The following KCNA6 variants were observed in gnomAD, a reference collection of about 807,000 sequenced individuals.
KCNA6 encodes the protein potassium voltage-gated channel subfamily A member 6.
KCNA6 carries 17 observed loss-of-function variants against 29.5 expected under a neutral mutation model. The observed-to-expected ratio is 0.58, with a 90% CI of 0.39 to 0.86. The LOEUF is 0.86. Among genes scored for constraint, KCNA6 ranks in the 40% least tolerant of loss-of-function variants. The pLI is 0.00. For missense variants in KCNA6, 450 were observed against 703.4 expected (o/e 0.64, Z 4.07); for synonymous variants, 296 against 304.7 (o/e 0.97, Z 0.30).
the KCNA6 span, among the ~76,000 whole-genome samples, chr12:4,844,066 G>A: frequency 3.3e-3 from 504 of 151,230 alleles, 3 homozygotes; most frequent in African/African-American, 0.012. The surrounding 1 kb of genome is among the most constrained non-coding windows in gnomAD (Gnocchi z 4.0). Context: ...CGTTTTCTGG[G>A]ATTGACCTTT....
At chr12:4,848,250 T>TTGCC in the KCNA6 span, among the ~76,000 whole-genome samples, 1 of 151,292 alleles carries the variant, frequency 6.6e-6, no homozygotes, top group African/African-American at 2.4e-5. Context: ...CCTGCTTCTG[T>TTGCC]CAACTGACAC....
At chr12:4,826,984 T>C in the KCNA6 span, among the ~76,000 whole-genome samples, 1 of 152,132 alleles carries the variant, frequency 6.6e-6, no homozygotes, top group Admixed American at 6.5e-5. Context: ...TTCCTTCTTC[T>C]TCCTTTCTGC....
chr12:4,821,418 A>ATGTGTATG, the KCNA6 span, among the ~76,000 whole-genome samples: 9 of 143,420 alleles, frequency 6.3e-5, no homozygotes, highest in Admixed American at 5.5e-4. Context: ...ACTCACTTGG[A>ATGTGTATG]TGTGTGTGTG....
the KCNA6 span, among the ~76,000 whole-genome samples, chr12:4,846,853 A>AGTGATAG: frequency 7.1e-6 from 1 of 141,502 alleles, no homozygotes; most frequent in Non-Finnish European, 1.5e-5. Context: ...ATCTCAGCTC[A>AGTGATAG]CTGCAAGCTC....
At chr12:4,827,814 A>T in the KCNA6 span, among the ~76,000 whole-genome samples, 2 of 152,190 alleles carry the variant, frequency 1.3e-5, no homozygotes, top group Non-Finnish European at 2.9e-5. Flanking sequence ...TGTGTTCATC[A>T]TTCTCATCCC....
At chr12:4,809,476 G>C (rs1346612480) in exon 1 of KCNA6, 1 of 151,984 alleles carries the variant, frequency 6.6e-6, no homozygotes, top group East Asian at 2.0e-4. Flanking sequence ...AGGAGGTGGC[G>C]GCTGTGGCGG....
In KCNA6 at chr12:4,811,853, C is replaced by T. The variant is rs191572472; in HGVS notation, c.*222C>T. On this transcript the variant is annotated 3_prime_UTR_variant, in exon 1 of 1. Coordinates refer to ENST00000280684, the Ensembl canonical transcript of KCNA6. This position sits in a 1 kb window ranked among gnomAD's most constrained non-coding sequence, Gnocchi z 7.1. The stretch of plus-strand genomic sequence containing the variant: ...CTAAGTGACATTTTTGAAATTCCAG[C>T]GGTGCCACCCAATCATGCCCAGCTT... 76 of 556,328 alleles carry T rather than the reference C, an allele frequency of 1.4e-4. No homozygotes were observed. Among genetic ancestry groups the T allele is most frequent in the African/African-American group, 2.6e-4 (14 of 53,138 alleles). The allele number at this position is 556,328 out of a possible 1,614,324, so 34.5% of individuals were successfully genotyped here.
At chr12:4,833,091 T>C in the KCNA6 span, among the ~76,000 whole-genome samples, 7 of 152,150 alleles carry the variant, frequency 4.6e-5, no homozygotes, top group Non-Finnish European at 1.5e-5. Flanking sequence ...ATTTTTTATC[T>C]CATATGAAAT....
chr12:4,819,025 C>T, the KCNA6 span, among the ~76,000 whole-genome samples: 1 of 152,100 alleles, frequency 6.6e-6, no homozygotes, highest in African/African-American at 2.4e-5. Context: ...TATACATATG[C>T]ACATGTATAC....
chr12:4,809,879 T>C, exon 1 of KCNA6: 1 of 770,566 alleles, frequency 1.3e-6, no homozygotes, highest in Non-Finnish European at 2.0e-6. Context: ...GGACCAGGGC[T>C]TTAGGGCTCA....
chr12:4,818,578 GT>G, the KCNA6 span, among the ~76,000 whole-genome samples: 34 of 152,210 alleles, frequency 2.2e-4, no homozygotes, highest in South Asian at 6.6e-3. Flanking sequence ...GCTAGGCTTT[GT>G]TTTTTTCTTT....
the KCNA6 span, among the ~76,000 whole-genome samples, chr12:4,829,351 G>A: frequency 6.6e-6 from 1 of 152,142 alleles, no homozygotes; most frequent in East Asian, 1.9e-4. Context: ...CTGTCCAGAA[G>A]CATTGCTGGA....
In KCNA6 at chr12:4,811,469, G is replaced by C. The variant is rs1157360604; in HGVS notation, c.1428G>C (p.Gln476His). 1 of 1,614,120 alleles carries C rather than the reference G, an allele frequency of 6.2e-7. No individual in the cohort carries two copies. The highest frequency in any genetic ancestry group is 8.5e-7 in the Non-Finnish European group (1 of 1,180,048). ...AGACGGAGCAGGAGGAGCAAGGCCA[G>C]TATACCCACGTCACTTGTGGGCAGC... Residue 476 changes from glutamine (Q) to histidine (H), a missense_variant, in exon 1 of 1, where the codon CAG becomes CAC. By Grantham distance (24) the Gln-to-His change is conservative (BLOSUM62 0). Transcript: ENST00000280684. This position sits in a 1 kb window ranked among gnomAD's most constrained non-coding sequence, Gnocchi z 7.1.
chr12:4,837,845 G>A, the KCNA6 span, among the ~76,000 whole-genome samples: 6 of 151,192 alleles, frequency 4.0e-5, no homozygotes, highest in African/African-American at 9.7e-5. Flanking sequence ...GGTAACCCAA[G>A]CAGAAGAGGC....
chr12:4,827,201 CT>C, the KCNA6 span, among the ~76,000 whole-genome samples: 18 of 40,178 alleles, frequency 4.5e-4, no homozygotes, highest in African/African-American at 6.0e-4. Flanking sequence ...TCCTTCCTTC[CT>C]TCCCTCCTTC....
the KCNA6 span, among the ~76,000 whole-genome samples, chr12:4,845,269 G>T: frequency 0.086 from 13,121 of 152,254 alleles, 688 homozygotes; most frequent in Non-Finnish European, 0.11. Context: ...GCCTAAAAAT[G>T]CCTTTATGCA....
downstream of KCNA6, among the ~76,000 whole-genome samples, chr12:4,817,002 A>G (rs1265706874): frequency 6.6e-6 from 1 of 152,106 alleles, no homozygotes; most frequent in African/African-American, 2.4e-5. Flanking sequence ...CAGCATTTCT[A>G]TCTGCCTGCA....
the KCNA6 span, among the ~76,000 whole-genome samples, chr12:4,835,505 A>G: frequency 6.6e-6 from 1 of 150,796 alleles, no homozygotes; most frequent in Admixed American, 6.6e-5. Flanking sequence ...CCCACTTCCT[A>G]CTTAGCCCTT....
At chr12:4,850,765 A>C in the KCNA6 span, 5 of 451,178 alleles carry the variant, frequency 1.1e-5, no homozygotes, top group Non-Finnish European at 1.3e-5. The surrounding 1 kb of genome is among the most constrained non-coding windows in gnomAD (Gnocchi z 5.4). Context: ...GGTGCAAGCA[A>C]GGACATCTAT....
Sources: allele counts gnomAD v4.1 joint callset (sites outside exome capture counted in the v4.1 genomes callset), GRCh38; gene constraint gnomAD v4.1.1; non-coding constraint Gnocchi (gnomAD v3.1); transcripts MANE v1.5; gene names NCBI Gene and HGNC (gene_info 2026-07-23, HGNC 2026-07-21).